PPP3CC: variants seen among roughly 807,000 people sequenced by gnomAD.
PPP3CC encodes the protein protein phosphatase 3 catalytic subunit gamma.
PPP3CC carries 35 observed loss-of-function variants against 60.3 expected under a neutral mutation model. The observed-to-expected ratio is 0.58, with a 90% confidence interval of 0.44 to 0.77. The LOEUF (loss-of-function observed/expected upper bound fraction) is 0.77. Ranked by LOEUF, PPP3CC falls within the 30% of genes least tolerant of loss-of-function variation. PPP3CC has a pLI of 0.00. For synonymous variants in PPP3CC, 206 were observed against 224.3 expected (o/e 0.92, Z 0.73); for missense variants, 570 against 628.9 (o/e 0.91, Z 1.00).
intron 6 of PPP3CC, among the ~76,000 whole-genome samples, chr8:22,516,207 T>C (rs910981436): frequency 1.3e-5 from 2 of 152,200 alleles, no homozygotes; most frequent in Non-Finnish European, 1.5e-5. Flanking sequence ...CCCAAAGTGC[T>C]GGGATTACAG....
In PPP3CC at chr8:22,475,279, A is replaced by G. The variant is rs1469147913; in HGVS notation, c.247+128A>G. 9.0e-6 allele frequency: 9 copies of G among 996,042 alleles called. No individual in the cohort carries two copies. The African/African-American group carries it at 1.2e-4, about 13-fold the overall frequency. 61.7% of individuals were successfully genotyped at this position (996,042 alleles called of 1,614,324 possible). A position where few individuals can be genotyped will look rare whatever the true frequency, so the allele number is the denominator to read the frequency against. ...TTCTAGAAATTATGAGACAGTCAGGATTGGTTAGGATATTTGTTGTTAATT... is the reference window on the plus strand; with the variant it reads ...TTCTAGAAATTATGAGACAGTCAGGGTTGGTTAGGATATTTGTTGTTAATT... On this transcript the variant is annotated intron_variant, in intron 2 of 13. Transcript: ENST00000240139.
chr8:22,528,454 G>T, intron 9 of PPP3CC, 52 bp from the exon 10 acceptor site: 2 of 1,247,656 alleles, frequency 1.6e-6, no homozygotes, highest in South Asian at 3.7e-5. Flanking sequence ...CATTATTTTA[G>T]AGAAAGTACC....
chr8:22,511,042 A>T, intron 4 of PPP3CC, 44 bp from the exon 5 acceptor site: 1 of 1,593,488 alleles, frequency 6.3e-7, no homozygotes, highest in Non-Finnish European at 8.6e-7. Flanking sequence ...TTCAAATGTG[A>T]TACGTTTTAG....
chr8:22,532,747 G>A (rs1839749616), intron 11 of PPP3CC, among the ~76,000 whole-genome samples, 174 bp from the exon 12 acceptor site: 1 of 152,218 alleles, frequency 6.6e-6, no homozygotes, highest in Non-Finnish European at 1.5e-5. Context: ...CTGGCTGATT[G>A]TTTAAAATGA....
chr8:22,445,843 G>A (rs886439674), intron 1 of PPP3CC, among the ~76,000 whole-genome samples: 3 of 152,172 alleles, frequency 2.0e-5, no homozygotes, highest in African/African-American at 7.2e-5. Flanking sequence ...TGATTAACAA[G>A]CTGCCAAACT....
chr8:22,533,507 G>A lies in PPP3CC; in HGVS notation c.1321+489G>A, dbSNP rs547753651. On this transcript the variant is annotated intron_variant, in intron 12 of 13. Transcript: ENST00000240139. ...CAAAAATGGTCAAAAGATTTAAACA[G>A]GCACTTCACAAATGAGGATATCAAA... Among the ~76,000 whole-genome samples the A allele has an allele frequency of 4.6e-5, 7 of 152,294 alleles. No individual in the cohort carries two copies. In the South Asian group the frequency reaches 1.5e-3, roughly 32 times the overall value.
chr8:22,493,111 A>T, intron 3 of PPP3CC: 2 of 1,555,744 alleles, frequency 1.3e-6, no homozygotes, highest in Non-Finnish European at 1.8e-6. Context: ...AATGAGGCAA[A>T]CTGAATTGAG....
chr8:22,488,843 G>A (rs1033893804), intron 3 of PPP3CC, among the ~76,000 whole-genome samples: 1 of 152,190 alleles, frequency 6.6e-6, no homozygotes, highest in Non-Finnish European at 1.5e-5. Flanking sequence ...CACAACCAGT[G>A]TAAAAGCTTA....
chr8:22,442,588 G>T (rs1337116923), intron 1 of PPP3CC, among the ~76,000 whole-genome samples: 1 of 152,136 alleles, frequency 6.6e-6, no homozygotes, highest in African/African-American at 2.4e-5. Context: ...GGATTTTTGA[G>T]ATTTATCTGC....
rs138479878 is a variant in PPP3CC at position 22,492,806 on chromosome 8, A to G, written c.373-5195A>G. ...TGTCTCTGGTATTGAAGAGGTGAAT[A>G]TGTTTACAAACCAAGGAACAGTGAT... is the stretch of plus-strand genomic sequence containing the variant. On this transcript the variant is annotated intron_variant, in intron 3 of 13. Transcript: ENST00000240139. 2.7e-5 allele frequency: 27 copies of G among 1,002,476 alleles called. 2 individuals are homozygous for G. The highest frequency in any genetic ancestry group is 3.0e-4 in the Middle Eastern group (1 of 3,282). 62.1% of individuals were successfully genotyped at this position (1,002,476 alleles called of 1,614,324 possible).
At chr8:22,442,407 AGAAG>A (rs1005624238) in intron 1 of PPP3CC, among the ~76,000 whole-genome samples, 17 of 152,352 alleles carry the variant, frequency 1.1e-4, no homozygotes, top group African/African-American at 4.1e-4. Flanking sequence ...TTTTGGTATT[AGAAG>A]GAGAAAGGCA....
At chr8:22,496,655 G>A (rs1170413200) in intron 3 of PPP3CC, among the ~76,000 whole-genome samples, 1 of 151,154 alleles carries the variant, frequency 6.6e-6, no homozygotes, top group Non-Finnish European at 1.5e-5. Flanking sequence ...TTGCCACTAC[G>A]CCCAGCTAAT....
rs1423491491 is a variant in PPP3CC at position 22,481,348 on chromosome 8, T to A, written c.372+5724T>A. On this transcript the variant is annotated intron_variant, in intron 3 of 13. Coordinates refer to ENST00000240139, the MANE Select transcript of PPP3CC (RefSeq NM_005605.5). ...GAAACTCTGTCTCAAGAAAAATAAA[T>A]AATAATAATAATAATAATAATAATA... Among the ~76,000 whole-genome samples, 219 of 46,050 alleles carry A rather than the reference T, an allele frequency of 4.8e-3. 2 individuals are homozygous for A. The highest frequency in any genetic ancestry group is 0.011 in the African/African-American group (208 of 18,100). The allele number at this position is 46,050 out of a possible 152,430, so 30.2% of individuals were successfully genotyped here.
intron 12 of PPP3CC, among the ~76,000 whole-genome samples, chr8:22,535,697 A>AAAT (rs1264705016): frequency 1.3e-5 from 2 of 152,080 alleles, no homozygotes; most frequent in Non-Finnish European, 2.9e-5. Flanking sequence ...TCTTTTGTAG[A>AAAT]AATTTCATTG....
intron 1 of PPP3CC, among the ~76,000 whole-genome samples, chr8:22,442,165 T>A (rs868370304): frequency 6.6e-6 from 1 of 152,236 alleles, no homozygotes; most frequent in African/African-American, 2.4e-5. Context: ...AGGTTATAGT[T>A]GTTTCTCCCT....
At chr8:22,500,219 AAT>A (rs1838722491) in intron 4 of PPP3CC, among the ~76,000 whole-genome samples, 1 of 152,204 alleles carries the variant, frequency 6.6e-6, no homozygotes, top group Admixed American at 6.5e-5. Context: ...AAAGTACTGA[AAT>A]AAAAGCAAAA....
At chr8:22,525,163 A>G (rs1381099883) in intron 8 of PPP3CC, among the ~76,000 whole-genome samples, 2 of 152,234 alleles carry the variant, frequency 1.3e-5, no homozygotes, top group Non-Finnish European at 2.9e-5. Context: ...AAAATAAAAA[A>G]AAAAGTAAAA....
rs770006457 is a variant in PPP3CC, at chr8:22,475,073, G to A, written c.169G>A (p.Ala57Thr). The part of the protein sequence containing the change: ...VKEGRLEEEV[A>T]LKIINDGAAI... ...GGAAGGACGACTGGAAGAGGAAGTA[G>A]CCTTAAAGATAATCAATGATGGGGC... is the stretch of plus-strand genomic sequence containing the variant. Residue 57 changes from alanine (A) to threonine (T), a missense_variant, in exon 2 of 14, where the codon GCC (alanine) becomes ACC (threonine). Transcript: ENST00000240139. 6.2e-7 allele frequency: 1 copy of A among 1,613,772 alleles called. No homozygotes were observed. The highest frequency in any genetic ancestry group is 1.1e-5 in the South Asian group (1 of 91,050).
At chr8:22,507,922 C>G (rs1480397306) in intron 4 of PPP3CC, among the ~76,000 whole-genome samples, 1 of 152,114 alleles carries the variant, frequency 6.6e-6, no homozygotes, top group African/African-American at 2.4e-5. Flanking sequence ...CACTGACAGA[C>G]ACATCATGAG....
Sources: allele counts gnomAD v4.1 joint callset (sites outside exome capture counted in the v4.1 genomes callset), GRCh38; gene constraint gnomAD v4.1.1; transcripts MANE v1.5; gene names NCBI Gene and HGNC (gene_info 2026-07-23, HGNC 2026-07-21).